Variants in RPGRIP1 observed in about 807,000 individuals in gnomAD.
The protein encoded by RPGRIP1 is X-linked retinitis pigmentosa GTPase regulator-interacting protein 1.
A neutral mutation model predicts 157.9 loss-of-function variants in RPGRIP1; 128 were observed. That is an observed-to-expected ratio of 0.81 (90% confidence interval 0.70 to 0.94). The LOEUF is 0.94. RPGRIP1 is among the 40% of genes least tolerant of loss of function. The pLI, the probability that RPGRIP1 is intolerant of heterozygous loss-of-function variation, is 0.00. For missense variants in RPGRIP1, 1,486 were observed against 1,545.8 expected (o/e 0.96, Z 0.65); for synonymous variants, 554 against 571.6 (o/e 0.97, Z 0.44).
At position 21,324,192 on chromosome 14, in the gene RPGRIP1, C is replaced by T. The variant is rs533532830; in HGVS notation, c.1763-426C>T. ...GTGGGACTCAATGTAATGTCATAGA[C>T]ACTATGTCTGCAACTTGCTATTATC... On this transcript the variant is annotated intron_variant, in intron 14 of 24. Transcript: ENST00000400017. 8 of 295,232 alleles carry T rather than the reference C, an allele frequency of 2.7e-5. No individual in the cohort carries two copies. The East Asian group carries it at 7.2e-4, about 27-fold the overall frequency. 18.3% of individuals were successfully genotyped at this position (295,232 alleles called of 1,614,324 possible).
rs1368319284 is a variant in RPGRIP1 at position 21,324,931 on chromosome 14, C to T, written c.2076C>T (p.His692=). The change falls in exon 15 of 25, where the codon CAC becomes CAT. Residue 692 remains histidine, a synonymous_variant. Coordinates refer to ENST00000400017, the MANE Select transcript of RPGRIP1 (RefSeq NM_020366.4). ...TGGAGACAGATTCGCTTTTCTTACA[C>T]TACCTTCAAGAGGCTTCAGCCCGGC... is the stretch of plus-strand genomic sequence containing the variant. ...YVMETDSLFL[H]YLQEASARLD... The T allele has an allele frequency of 3.1e-6, 5 of 1,614,062 alleles. No homozygotes were observed. The South Asian group carries it at 3.3e-5, about 11-fold the overall frequency.
At chr14:21,334,221 CAG>C (rs1884097740) in intron 20 of RPGRIP1, among the ~76,000 whole-genome samples, 1 of 152,112 alleles carries the variant, frequency 6.6e-6, no homozygotes, top group South Asian at 2.1e-4. Flanking sequence ...CACGCCCAGC[CAG>C]AGAGGCCATC....
In RPGRIP1 at chr14:21,348,284, C is replaced by G; in HGVS notation, c.3730C>G (p.Leu1244Val). Reference protein sequence around the residue: ...WQILESGRDILEQELDIVSPE... With the variant: ...WQILESGRDIVEQELDIVSPE... ...GATCCTGGAGTCAGGAAGAGATATT[C>G]TAGAGCAAGAGCTAGACAGTGAGTC... The change falls in exon 24 of 25, where the codon CTA (leucine) becomes GTA (valine). Residue 1244 changes from leucine (L) to valine (V), a missense_variant. Transcript: ENST00000400017. 6.3e-7 allele frequency: 1 copy of G among 1,582,766 alleles called. No individual in the cohort carries two copies. The highest frequency in any genetic ancestry group is 1.9e-5 in the Admixed American group (1 of 54,010).
Position 21,310,625 on chromosome 14 carries a change from A to G in RPGRIP1, c.930+18A>G. ...TCCAGAAGGTACTTAATGAGAATTGAGTCTCTGTTTCTTAGTAACCAGAAT... is the reference window on the plus strand; with the variant it reads ...TCCAGAAGGTACTTAATGAGAATTGGGTCTCTGTTTCTTAGTAACCAGAAT... On this transcript the variant is annotated intron_variant, in intron 8 of 24. Transcript: ENST00000400017. 7.0e-7 allele frequency: 1 copy of G among 1,437,700 alleles called. No homozygotes were observed. Among genetic ancestry groups the G allele is most frequent in the Non-Finnish European group, 9.5e-7 (1 of 1,053,912 alleles). 89.1% of individuals were successfully genotyped at this position (1,437,700 alleles called of 1,614,324 possible).
chr14:21,303,749 G>A (rs1466370883), intron 6 of RPGRIP1, among the ~76,000 whole-genome samples: 1 of 152,100 alleles, frequency 6.6e-6, no homozygotes, highest in Non-Finnish European at 1.5e-5. Flanking sequence ...CACTTTGGGA[G>A]GCCGAGGCAG....
intron 8 of RPGRIP1, chr14:21,310,904 T>A (rs1259918939): frequency 3.3e-6 from 2 of 610,914 alleles, no homozygotes; most frequent in Non-Finnish European, 3.1e-6. Context: ...TTCCTAAGAG[T>A]ATTCTTCTAG....
chr14:21,285,469 G>C (rs991803958), intron 1 of RPGRIP1, among the ~76,000 whole-genome samples: 4 of 151,858 alleles, frequency 2.6e-5, no homozygotes, highest in Non-Finnish European at 5.9e-5. Context: ...GCCGGGCATG[G>C]TGGCACGTGC....
chr14:21,333,086 G>T (rs1275709953), intron 20 of RPGRIP1, among the ~76,000 whole-genome samples: 1 of 152,150 alleles, frequency 6.6e-6, no homozygotes, highest in East Asian at 1.9e-4. Flanking sequence ...GGCAACAAGA[G>T]CAATGCTTCA....
chr14:21,295,927 C>T lies in RPGRIP1; in HGVS notation c.218+1118C>T, dbSNP rs560146476. ...CTGGAATTACAAGCTTGCACCACCA[C>T]GTCAGAGTAATTTTTTTTGTTGTTT... On this transcript the variant is annotated intron_variant, in intron 3 of 24. Transcript: ENST00000400017. Among the ~76,000 whole-genome samples, 37 of 151,408 alleles carry T rather than the reference C, an allele frequency of 2.4e-4. 1 individual carries two copies. The highest frequency in any genetic ancestry group is 1.9e-3 in the Admixed American group (28 of 15,126).
chr14:21,325,445 A>C, intron 16 of RPGRIP1, 62 bp downstream of exon 16: 1 of 1,457,182 alleles, frequency 6.9e-7, no homozygotes, highest in Non-Finnish European at 9.3e-7. Flanking sequence ...TCATGAGCAC[A>C]GTTCAGTCTT....
rs368434311 is a variant in RPGRIP1 at position 21,324,775 on chromosome 14, C to T, written c.1920C>T (p.Ala640=). 5.5e-4 allele frequency: 892 copies of T among 1,614,046 alleles called. 1 individual carries two copies. Among genetic ancestry groups the T allele is most frequent in the Non-Finnish European group, 6.8e-4 (800 of 1,179,900 alleles). Residue 640 remains alanine, a synonymous_variant, in exon 15 of 25, where the codon GCC becomes GCT. Coordinates refer to ENST00000400017, the MANE Select transcript of RPGRIP1 (RefSeq NM_020366.4). The part of the protein sequence containing the change: ...LHIHQAFLTS[A]ALAQAGDTQP... ...TCCACCAGGCCTTCCTGACATCTGC[C>T]GCCCTAGCTCAGGCTGGAGATACCC... is the stretch of plus-strand genomic sequence containing the variant.
At chr14:21,286,126 A>C (rs765807501) in intron 1 of RPGRIP1, among the ~76,000 whole-genome samples, 6 of 152,016 alleles carry the variant, frequency 3.9e-5, no homozygotes, top group Non-Finnish European at 8.8e-5. Context: ...AGTAGCTGCG[A>C]TTAAAGGCAC....
At chr14:21,314,494 G>A (rs1038913129) in intron 10 of RPGRIP1, among the ~76,000 whole-genome samples, 4 of 152,038 alleles carry the variant, frequency 2.6e-5, no homozygotes, top group African/African-American at 4.8e-5. Context: ...GCTCATTCCT[G>A]TAATCCCAGC....
Position 21,324,873 on chromosome 14 carries a change from AG to A in RPGRIP1, c.2019del (p.Gln673HisfsTer11), listed in dbSNP as rs1288777961. ...THCTPLSVGP[Q>X]PLYDFTSQYV... is the part of the protein sequence containing the mutation. ...TGTACCCCATTATCTGTGGGGCCAC[AG>A]CCCCTCTATGACTTCACCTCCCAGT... is the stretch of plus-strand genomic sequence containing the variant. On this transcript the variant is annotated frameshift_variant, in exon 15 of 25. Coordinates refer to ENST00000400017, the MANE Select transcript of RPGRIP1 (RefSeq NM_020366.4). LOFTEE classifies it high-confidence loss of function. The A allele has an allele frequency of 6.2e-7, 1 of 1,613,774 alleles. No homozygotes were observed. The highest frequency in any genetic ancestry group is 8.5e-7 in the Non-Finnish European group (1 of 1,179,780).
chr14:21,301,217 T>C lies in RPGRIP1; in HGVS notation c.470T>C (p.Val157Ala). The C allele has an allele frequency of 1.3e-6, 2 of 1,590,774 alleles. No homozygotes were observed. The highest frequency in any genetic ancestry group is 3.6e-5 in the Admixed American group (2 of 56,044). ...CAGCTCCACACAGCCGGTGCACCGG[T>C]GCCGGAGAAACCCAAGAGGGGTGAG... ...HRQLHTAGAP[V>A]PEKPKRGPRD... is the part of the protein sequence containing the mutation. Residue 157 changes from valine to alanine, a missense_variant, in exon 4 of 25, where the codon GTG becomes GCG. Physicochemically the swap from Val to Ala is moderately conservative, Grantham distance 64. Coordinates refer to ENST00000400017, the MANE Select transcript of RPGRIP1 (RefSeq NM_020366.4).
rs529520143 is a variant in RPGRIP1 at position 21,337,965 on chromosome 14, A to G, written c.3339+3260A>G. ...CTAGTCTTGCTCTGTCACCCAGGCTAGAGTGCAGTGGTGCGATATCGGCTC... is the reference window on the plus strand; with the variant it reads ...CTAGTCTTGCTCTGTCACCCAGGCTGGAGTGCAGTGGTGCGATATCGGCTC... On this transcript the variant is annotated intron_variant, in intron 21 of 24. Coordinates refer to ENST00000400017, the MANE Select transcript of RPGRIP1 (RefSeq NM_020366.4). Among the ~76,000 whole-genome samples the G allele has an allele frequency of 2.3e-4, 34 of 150,360 alleles. 1 individual carries two copies. Among genetic ancestry groups the G allele is most frequent in the African/African-American group, 8.1e-4 (33 of 40,880 alleles).
chr14:21,320,221 C>G, intron 12 of RPGRIP1, 44 bp downstream of exon 12: 3 of 1,525,114 alleles, frequency 2.0e-6, no homozygotes, highest in Non-Finnish European at 2.7e-6. Flanking sequence ...GCAGAGAGAT[C>G]TCTGGCAAAT....
At position 21,324,999 on chromosome 14, in the gene RPGRIP1, C is replaced by T; in HGVS notation, c.2144C>T (p.Ala715Val). 6.2e-7 allele frequency: 1 copy of T among 1,614,038 alleles called. No individual in the cohort carries two copies. The highest frequency in any genetic ancestry group is 8.5e-7 in the Non-Finnish European group (1 of 1,179,892). The part of the protein sequence containing the change: ...QAMASEHSTL[A>V]AGWICFDRVL... ...ATGGCCAGTGAACACAGCACTCTTG[C>T]TGCAGGATGGATTTGCTTTGACAGG... is the stretch of plus-strand genomic sequence containing the variant. Residue 715 changes from alanine (A) to valine (V), a missense_variant, in exon 15 of 25, where the codon GCT (alanine) becomes GTT (valine). Transcript: ENST00000400017.
At chr14:21,324,482 T>G (rs942006545) in intron 14 of RPGRIP1, 136 bp from the exon 15 acceptor site, 2 of 756,298 alleles carry the variant, frequency 2.6e-6, no homozygotes, top group African/African-American at 3.5e-5. Context: ...CTTTTCCTTT[T>G]GAATCACGTG....
Sources: allele counts gnomAD v4.1 joint callset (sites outside exome capture counted in the v4.1 genomes callset), GRCh38; gene constraint gnomAD v4.1.1; transcripts MANE v1.5; gene names NCBI Gene and HGNC (gene_info 2026-07-23, HGNC 2026-07-21).